The following ASIC2 variants were observed in gnomAD, a reference collection of about 807,000 sequenced individuals.
ASIC2 encodes acid-sensing ion channel 2.
In ASIC2, 25 loss-of-function variants were observed where a neutral mutation model predicts 57.3. The ratio of observed to expected loss-of-function variants is 0.44; its 90% CI spans 0.32 to 0.61. The LOEUF (loss-of-function observed/expected upper bound fraction) is 0.61. Ranked by LOEUF, ASIC2 falls within the 20% of genes least tolerant of loss-of-function variation. The pLI, the probability that ASIC2 is intolerant of heterozygous loss-of-function variation, is 0.06. For synonymous variants in ASIC2, 319 were observed against 307.5 expected (o/e 1.04, Z -0.39); for missense variants, 641 against 738.1 (o/e 0.87, Z 1.52).
intron 2 of ASIC2, among the ~76,000 whole-genome samples, chr17:33,094,207 T>A (rs1225811539): frequency 6.6e-6 from 1 of 152,134 alleles, no homozygotes; most frequent in Non-Finnish European, 1.5e-5. Flanking sequence ...GTGGGCCAGG[T>A]AGGAAACTGG....
chr17:33,627,590 G>A (rs181350678), intron 1 of ASIC2, among the ~76,000 whole-genome samples: 382 of 152,320 alleles, frequency 2.5e-3, no homozygotes, highest in Non-Finnish European at 4.2e-3. Context: ...ACTCTGGCTA[G>A]GTCTCCTCAA....
chr17:33,098,372 C>CT (rs34770273), intron 2 of ASIC2, among the ~76,000 whole-genome samples: 40,436 of 152,070 alleles, frequency 0.27, 6,337 homozygotes, highest in East Asian at 0.48. Flanking sequence ...CAGATAGGCA[C>CT]TGTAGGGCAG....
Position 33,724,228 on chromosome 17 carries a change from C to A in ASIC2, c.555+431750G>T, listed in dbSNP as rs558762409. Among the ~76,000 whole-genome samples, 13 of 152,292 alleles carry A rather than the reference C, an allele frequency of 8.5e-5. No homozygotes were observed. The South Asian group carries it at 2.7e-3, about 32-fold the overall frequency. ...CATGATTACGAGGCCTCCCCAGCCA[C>A]GAGGAACTGTGAATCCATTAAACCT... On this transcript the variant is annotated intron_variant, in intron 1 of 9. Coordinates refer to the ASIC2 transcript ENST00000359872.
At chr17:33,639,013 C>G (rs1047247940) in intron 1 of ASIC2, among the ~76,000 whole-genome samples, 3 of 151,796 alleles carry the variant, frequency 2.0e-5, no homozygotes, top group East Asian at 1.9e-4. Flanking sequence ...TTTCTGCCTC[C>G]GTTCCCCAAA....
intron 1 of ASIC2, among the ~76,000 whole-genome samples, chr17:34,062,073 T>G (rs945109758): frequency 4.6e-5 from 7 of 152,120 alleles, no homozygotes; most frequent in African/African-American, 1.7e-4. Context: ...GAATACACAT[T>G]CTATTCGACA....
At chr17:34,003,629 T>C (rs1218637016) in intron 1 of ASIC2, 1 of 152,162 alleles carries the variant, frequency 6.6e-6, no homozygotes, top group Admixed American at 6.5e-5. Flanking sequence ...TGTTTTCTTT[T>C]GTATATTTTT....
intron 1 of ASIC2, among the ~76,000 whole-genome samples, chr17:33,305,406 A>G (rs1228885701): frequency 6.6e-6 from 1 of 152,198 alleles, no homozygotes; most frequent in Admixed American, 6.5e-5. Context: ...TCATGATAAC[A>G]TGCTTGGTTA....
chr17:34,000,671 C>T (rs1346353626), intron 1 of ASIC2: 9 of 152,130 alleles, frequency 5.9e-5, no homozygotes, highest in Admixed American at 5.9e-4. Flanking sequence ...AGCTTTCTGC[C>T]CATTACTCTT....
chr17:33,762,323 C>T (rs889867736), intron 1 of ASIC2, among the ~76,000 whole-genome samples: 4 of 152,124 alleles, frequency 2.6e-5, no homozygotes, highest in Admixed American at 2.0e-4. Context: ...ACAGCTCATA[C>T]CCCATTCTCC....
At chr17:33,319,155 G>GA (rs1567821619) in intron 1 of ASIC2, among the ~76,000 whole-genome samples, 2 of 152,170 alleles carry the variant, frequency 1.3e-5, no homozygotes, top group Non-Finnish European at 2.9e-5. Context: ...ACTTGAACCC[G>GA]GGATGCGGAG....
chr17:34,099,115 AGAGAGAGAGAGAGAGAGAGAGAG>A (rs1272829772), intron 1 of ASIC2, among the ~76,000 whole-genome samples: 77 of 29,620 alleles, frequency 2.6e-3, no homozygotes, highest in East Asian at 0.017. Flanking sequence ...AGAGAGAGAG[AGAGAGAGAGAGAGAGAGAGAGAG>A]AGAGAGACAG....
chr17:34,079,971 T>C (rs771096047), intron 1 of ASIC2, among the ~76,000 whole-genome samples: 23 of 112,136 alleles, frequency 2.1e-4, no homozygotes, highest in African/African-American at 2.8e-4. Context: ...ACTTCTTGCA[T>C]GTAGGGTAAG....
intron 1 of ASIC2, among the ~76,000 whole-genome samples, chr17:34,114,849 G>A (rs905317594): frequency 1.3e-5 from 2 of 152,088 alleles, no homozygotes; most frequent in East Asian, 3.9e-4. Context: ...AGGAGGCAGG[G>A]CAATTAGTTA....
intron 1 of ASIC2, among the ~76,000 whole-genome samples, chr17:33,155,889 T>G (rs1597607794): frequency 6.6e-6 from 1 of 152,242 alleles, no homozygotes; most frequent in Middle Eastern, 3.4e-3. Flanking sequence ...GAGTACTACT[T>G]GAGTGCATTG....
At chr17:33,567,653 G>C (rs1340338675) in intron 1 of ASIC2, among the ~76,000 whole-genome samples, 1 of 152,150 alleles carries the variant, frequency 6.6e-6, no homozygotes, top group Non-Finnish European at 1.5e-5. Flanking sequence ...CGTGGAAAGG[G>C]AGGGCAAGGG....
chr17:33,684,796 A>G (rs755069377), intron 1 of ASIC2, among the ~76,000 whole-genome samples: 1 of 152,060 alleles, frequency 6.6e-6, no homozygotes, highest in Non-Finnish European at 1.5e-5. Context: ...ATTGTTGAAA[A>G]GATGTCCACA....
intron 1 of ASIC2, among the ~76,000 whole-genome samples, chr17:34,088,216 T>A (rs1045968678): frequency 6.6e-6 from 1 of 152,208 alleles, no homozygotes; most frequent in Non-Finnish European, 1.5e-5. Context: ...CAGATGGGTT[T>A]TTGGTGTGGA....
rs568742088 is a variant in ASIC2 at position 33,212,441 on chromosome 17, G to A, written c.708+78967C>T. Among the ~76,000 whole-genome samples the A allele has an allele frequency of 9.8e-5, 15 of 152,286 alleles. 1 individual carries two copies. The highest frequency in any genetic ancestry group is 3.6e-4 in the African/African-American group (15 of 41,552). The stretch of plus-strand genomic sequence containing the variant: ...AGAGGAAGGAATGAATTCTTCCAGG[G>A]AGCCTTCAGAAGGGGCCAGCCCTGC... On this transcript the variant is annotated intron_variant, in intron 1 of 9. Coordinates refer to ENST00000225823, the MANE Select transcript of ASIC2 (RefSeq NM_183377.2).
At chr17:33,028,841 C>A (rs2091869365) in intron 3 of ASIC2, among the ~76,000 whole-genome samples, 1 of 152,212 alleles carries the variant, frequency 6.6e-6, no homozygotes, top group South Asian at 2.1e-4. Context: ...GAATCCCAGA[C>A]CTAGACCTGG....
Sources: allele counts gnomAD v4.1 joint callset (sites outside exome capture counted in the v4.1 genomes callset), GRCh38; gene constraint gnomAD v4.1.1; transcripts MANE v1.5; gene names NCBI Gene and HGNC (gene_info 2026-07-23, HGNC 2026-07-21).